Variants in SMAP1 observed in about 807,000 individuals in gnomAD.
SMAP1 encodes the protein stromal membrane-associated protein 1.
Under a neutral mutation model 58.5 loss-of-function variants are expected in SMAP1, and 24 were observed. That is an observed-to-expected ratio of 0.41 (90% CI 0.30 to 0.58). SMAP1 has a LOEUF of 0.58. Among genes scored for constraint, SMAP1 ranks in the 20% least tolerant of loss-of-function variants. SMAP1 has a pLI of 0.29. For synonymous variants in SMAP1, 216 were observed against 196.6 expected (o/e 1.10, Z -0.82); for missense variants, 563 against 566.3 (o/e 0.99, Z 0.06).
At position 70,856,766 on chromosome 6, in the gene SMAP1, A is replaced by G. The variant is rs139388039; in HGVS notation, c.790-93A>G. On this transcript the variant is annotated intron_variant, in intron 8 of 10. Coordinates refer to ENST00000370455, the MANE Select transcript of SMAP1 (RefSeq NM_001044305.3). ...TACCTTCTACAATTGTTTGATTCCTATCTAATTTTATAACTTTATTTGGAT... is the reference window on the plus strand; with the variant it reads ...TACCTTCTACAATTGTTTGATTCCTGTCTAATTTTATAACTTTATTTGGAT... The G allele has an allele frequency of 6.5e-4, 846 of 1,292,822 alleles. 6 individuals are homozygous for G. In the African/African-American group the frequency reaches 0.012, roughly 18 times the overall value. 80.1% of individuals were successfully genotyped at this position (1,292,822 alleles called of 1,614,324 possible). A position where few individuals can be genotyped will look rare whatever the true frequency, so the allele number is the denominator to read the frequency against.
intron 1 of SMAP1, among the ~76,000 whole-genome samples, chr6:70,681,349 C>T (rs1766703870): frequency 6.6e-6 from 1 of 152,108 alleles, no homozygotes; most frequent in South Asian, 2.1e-4. Flanking sequence ...GGAGGATCTC[C>T]TGAGGAGGTC....
At chr6:70,814,237 C>T (rs1025585288) in intron 6 of SMAP1, among the ~76,000 whole-genome samples, 2 of 152,054 alleles carry the variant, frequency 1.3e-5, no homozygotes, top group African/African-American at 4.8e-5. Flanking sequence ...TGACATTCTT[C>T]GTTGTGGATC....
chr6:70,835,251 C>CAAAAAAAAAAAAAAAAAAAAAAAAAAAA, intron 6 of SMAP1, among the ~76,000 whole-genome samples: 1 of 57,950 alleles, frequency 1.7e-5, no homozygotes, highest in Non-Finnish European at 3.5e-5. Context: ...GACTCCGTCT[C>CAAAAAAAAAAAAAAAAAAAAAAAAAAAA]AAAAAAAAAA....
intron 2 of SMAP1, among the ~76,000 whole-genome samples, chr6:70,737,329 T>C (rs1765654615): frequency 6.6e-6 from 1 of 152,114 alleles, no homozygotes; most frequent in African/African-American, 2.4e-5. Context: ...GTATTTTTAG[T>C]AGAGACAGGG....
In SMAP1 at chr6:70,830,118, C is replaced by T. The variant is rs1246719175; in HGVS notation, c.577-6823C>T. 2.0e-5 allele frequency among the ~76,000 whole-genome samples: 3 copies of T among 152,190 alleles called. No individual in the cohort carries two copies. In the East Asian group the frequency reaches 5.8e-4, roughly 29 times the overall value. ...TTATCTAAGTAGACTTATGTTCTTG[C>T]TTGTTAGAAAATTTTGTTTAATAAA... On this transcript the variant is annotated intron_variant, in intron 6 of 10. Coordinates refer to ENST00000370455, the MANE Select transcript of SMAP1 (RefSeq NM_001044305.3).
At chr6:70,828,853 A>C (rs1314617687) in intron 6 of SMAP1, among the ~76,000 whole-genome samples, 1 of 152,144 alleles carries the variant, frequency 6.6e-6, no homozygotes, top group Non-Finnish European at 1.5e-5. Context: ...CAGCCTGGGC[A>C]AGAGTGAGGC....
At chr6:70,852,805 C>T (rs1771239716) in intron 8 of SMAP1, 141 bp downstream of exon 8, 1 of 999,832 alleles carries the variant, frequency 1.0e-6, no homozygotes, top group African/African-American at 1.7e-5. Context: ...GTTTAGCAAA[C>T]TAAGCCAGCA....
At chr6:70,697,830 C>T (rs925383733) in intron 1 of SMAP1, among the ~76,000 whole-genome samples, 1 of 152,202 alleles carries the variant, frequency 6.6e-6, no homozygotes, top group African/African-American at 2.4e-5. Context: ...CCCCACACTT[C>T]TTAACTTTTG....
In SMAP1 at chr6:70,861,411, A is replaced by G; in HGVS notation, c.*1077A>G. ...TGCAGTATCGGCACTGTACAAAAAAATCTTCCAATTTAGTTGTTGTAGAGA... is the reference window on the plus strand; with the variant it reads ...TGCAGTATCGGCACTGTACAAAAAAGTCTTCCAATTTAGTTGTTGTAGAGA... On this transcript the variant is annotated 3_prime_UTR_variant, in exon 11 of 11. Coordinates refer to ENST00000370455, the MANE Select transcript of SMAP1 (RefSeq NM_001044305.3). The G allele has an allele frequency of 2.1e-6, 1 of 476,618 alleles. No individual in the cohort carries two copies. The highest frequency in any genetic ancestry group is 3.0e-5 in the South Asian group (1 of 32,834). 29.5% of individuals were successfully genotyped at this position (476,618 alleles called of 1,614,324 possible). A position where few individuals can be genotyped will look rare whatever the true frequency, so the allele number is the denominator to read the frequency against.
chr6:70,725,032 G>A (rs116710355), intron 1 of SMAP1, among the ~76,000 whole-genome samples: 5,490 of 145,852 alleles, frequency 0.038, 116 homozygotes, highest in African/African-American at 0.054. Flanking sequence ...GTCTGAGTCA[G>A]TGGCTTCTTA....
intron 1 of SMAP1, among the ~76,000 whole-genome samples, chr6:70,675,193 A>G (rs1309440497): frequency 8.0e-6 from 1 of 125,626 alleles, no homozygotes; most frequent in Non-Finnish European, 1.6e-5. Flanking sequence ...CACAAATTAT[A>G]TAGTGTTTTT....
At position 70,852,661 on chromosome 6, in the gene SMAP1, T is replaced by C; in HGVS notation, c.786T>C (p.Ala262=). Residue 262 remains alanine (A), a synonymous_variant, in exon 8 of 11, where the codon GCT becomes GCC. Coordinates refer to ENST00000370455, the MANE Select transcript of SMAP1 (RefSeq NM_001044305.3). ...NPLPATVMPP[A]QGTPSAPAAA... ...TACCTGCAACTGTCATGCCCCCAGC[T>C]CAGGTATGTGATAAGAATATGGTTT... 1 of 1,597,362 alleles carries C rather than the reference T, an allele frequency of 6.3e-7. No homozygotes were observed. Among genetic ancestry groups the C allele is most frequent in the Non-Finnish European group, 8.5e-7 (1 of 1,173,380 alleles).
rs186126644 is a variant in SMAP1, at chr6:70,779,626, A to G, written c.414+6201A>G. Among the ~76,000 whole-genome samples the G allele has an allele frequency of 2.6e-5, 4 of 152,212 alleles. No homozygotes were observed. The East Asian group carries it at 5.8e-4, about 22-fold the overall frequency. On this transcript the variant is annotated intron_variant, in intron 4 of 10. Coordinates refer to ENST00000370455, the MANE Select transcript of SMAP1 (RefSeq NM_001044305.3). The stretch of plus-strand genomic sequence containing the variant: ...CTTCTAGCCTATCTTGGCTAGCTGC[A>G]TGGCTTCCCTCTTGATGCTGCCATT...
intron 1 of SMAP1, among the ~76,000 whole-genome samples, chr6:70,698,895 C>A (rs910162296): frequency 4.6e-5 from 7 of 152,062 alleles, no homozygotes. Flanking sequence ...ATCATTTGTG[C>A]CTTATTTAGT....
chr6:70,692,376 T>C (rs574842536), intron 1 of SMAP1, among the ~76,000 whole-genome samples: 11 of 152,340 alleles, frequency 7.2e-5, no homozygotes, highest in South Asian at 2.1e-4. Context: ...TCTTATCTTA[T>C]TTTGTGGGTT....
chr6:70,772,193 A>G (rs1767355362), intron 3 of SMAP1, among the ~76,000 whole-genome samples: 2 of 152,184 alleles, frequency 1.3e-5, no homozygotes, highest in South Asian at 2.1e-4. Flanking sequence ...GGGTAGAAAT[A>G]AATTTTTTGT....
intron 2 of SMAP1, among the ~76,000 whole-genome samples, chr6:70,746,851 G>T (rs529781764): frequency 6.6e-6 from 1 of 151,936 alleles, no homozygotes; most frequent in Non-Finnish European, 1.5e-5. Flanking sequence ...AATTTCAGAG[G>T]CTGATTTAAG....
chr6:70,747,886 G>A (rs1291126507), intron 2 of SMAP1, among the ~76,000 whole-genome samples: 2 of 152,160 alleles, frequency 1.3e-5, no homozygotes, highest in Non-Finnish European at 2.9e-5. Context: ...TAGAAATTGT[G>A]AAAAGTATGA....
chr6:70,790,875 A>G (rs2149942441), intron 4 of SMAP1, among the ~76,000 whole-genome samples: 1 of 152,294 alleles, frequency 6.6e-6, no homozygotes, highest in East Asian at 1.9e-4. Context: ...GCATTTTATA[A>G]ATGTATTTCA....
Sources: gnomAD v4.1 joint callset for allele counts (sites outside exome capture counted in the v4.1 genomes callset) on GRCh38, gnomAD v4.1.1 for gene constraint, MANE v1.5 for transcripts, NCBI Gene and HGNC (gene_info 2026-07-23, HGNC 2026-07-21) for gene names.